FRMD3: variants seen among roughly 807,000 people sequenced by gnomAD.
FRMD3 encodes the protein FERM domain containing 3, also known as FERM domain-containing protein 3.
FRMD3 carries 33 observed loss-of-function variants against 70.2 expected under a neutral mutation model. The observed-to-expected ratio is 0.47, with a 90% CI of 0.36 to 0.63. FRMD3 has a LOEUF of 0.63. Among genes scored for constraint, FRMD3 ranks in the 20% least tolerant of loss-of-function variants. The pLI is 0.00. For synonymous variants in FRMD3, 279 were observed against 255.9 expected (o/e 1.09, Z -0.86); for missense variants, 632 against 711.4 (o/e 0.89, Z 1.27).
chr9:83,259,011 G>T (rs985453287), intron 13 of FRMD3, among the ~76,000 whole-genome samples: 1 of 152,156 alleles, frequency 6.6e-6, no homozygotes, highest in African/African-American at 2.4e-5. Context: ...TATAAAGAAA[G>T]CACCACCATT....
At chr9:83,508,399 T>G (rs1336506252) in intron 1 of FRMD3, among the ~76,000 whole-genome samples, 1 of 152,220 alleles carries the variant, frequency 6.6e-6, no homozygotes, top group South Asian at 2.1e-4. Context: ...TAACTTTGCA[T>G]ACTTTACTGT....
chr9:83,481,079 T>G (rs1369747605), intron 1 of FRMD3, among the ~76,000 whole-genome samples: 1 of 152,222 alleles, frequency 6.6e-6, no homozygotes, highest in South Asian at 2.1e-4. Context: ...AAAGGAATGA[T>G]GAACTCTGAA....
chr9:83,254,564 A>G (rs2118594229), intron 13 of FRMD3, among the ~76,000 whole-genome samples: 1 of 152,094 alleles, frequency 6.6e-6, no homozygotes, highest in South Asian at 2.1e-4. Context: ...AGAGGCATAA[A>G]AAAAAAAATT....
At chr9:83,396,821 C>T (rs755273674) in intron 1 of FRMD3, among the ~76,000 whole-genome samples, 1 of 152,194 alleles carries the variant, frequency 6.6e-6, no homozygotes, top group Admixed American at 6.5e-5. Context: ...TCAGCAAGTA[C>T]AGATTGGCTT....
At chr9:83,507,503 T>C (rs57828682) in intron 1 of FRMD3, among the ~76,000 whole-genome samples, 2,584 of 147,988 alleles carry the variant, frequency 0.017, 66 homozygotes, top group African/African-American at 0.06. Context: ...CCGTCTCTAC[T>C]AAAAAATAAA....
At chr9:83,299,436 A>G (rs921934382) in intron 10 of FRMD3, among the ~76,000 whole-genome samples, 2 of 152,222 alleles carry the variant, frequency 1.3e-5, no homozygotes, top group African/African-American at 4.8e-5. Flanking sequence ...TGACCCACAT[A>G]CTGGGTTTCA....
the FRMD3 span, among the ~76,000 whole-genome samples, chr9:83,585,659 G>A: frequency 9.9e-5 from 15 of 152,172 alleles, no homozygotes; most frequent in African/African-American, 2.4e-4. Context: ...AGACAGGAGC[G>A]TGAGTCTCCT....
At chr9:83,312,638 A>T (rs1835404856) in intron 7 of FRMD3, among the ~76,000 whole-genome samples, 1 of 152,260 alleles carries the variant, frequency 6.6e-6, no homozygotes, top group South Asian at 2.1e-4. Flanking sequence ...ACATTTGCGT[A>T]GGCAGAACAA....
intron 3 of FRMD3, among the ~76,000 whole-genome samples, chr9:83,368,174 A>C (rs980118389): frequency 1.3e-5 from 2 of 152,208 alleles, no homozygotes; most frequent in Non-Finnish European, 2.9e-5. Context: ...CCACAAAGGC[A>C]CAGCACAGGC....
rs202225613 is a variant in FRMD3 at position 83,266,876 on chromosome 9, C to CCT, written c.1196-18362_1196-18361dup. 1.4e-3 allele frequency: 1,223 copies of CCT among 888,352 alleles called. 13 individuals are homozygous for CCT. In the African/African-American group the frequency reaches 0.018, roughly 13 times the overall value. The allele number at this position is 888,352 out of a possible 1,614,324, so 55.0% of individuals were successfully genotyped here. On this transcript the variant is annotated intron_variant, in intron 13 of 13. Coordinates refer to ENST00000304195, the MANE Select transcript of FRMD3 (RefSeq NM_174938.6). ...CCACTCGTCTCTGCTTTTCTCCCTT[C>CCT]CTCTCTCTCTTTTCATCCTTATCAA...
intron 10 of FRMD3, 95 bp downstream of exon 10, chr9:83,309,439 CTG>C (rs1006866808): frequency 1.6e-5 from 11 of 681,634 alleles, no homozygotes; most frequent in Admixed American, 9.0e-5. Flanking sequence ...ACTTTTAAAA[CTG>C]TATTAAAAGA....
intron 13 of FRMD3, among the ~76,000 whole-genome samples, chr9:83,283,659 C>T (rs1228980890): frequency 1.3e-5 from 2 of 152,038 alleles, no homozygotes; most frequent in African/African-American, 4.8e-5. Flanking sequence ...GCCTTCTGTT[C>T]TGTGGAGGCA....
intron 1 of FRMD3, among the ~76,000 whole-genome samples, chr9:83,407,929 T>TCTCTCCCTCCC (rs1826171927): frequency 2.8e-5 from 3 of 107,140 alleles, no homozygotes; most frequent in Admixed American, 1.1e-4. Context: ...CTCCCCTTTC[T>TCTCTCCCTCCC]CTTTCTCTTT....
At chr9:83,426,192 T>C (rs773938849) in intron 1 of FRMD3, among the ~76,000 whole-genome samples, 1 of 152,176 alleles carries the variant, frequency 6.6e-6, no homozygotes, top group Non-Finnish European at 1.5e-5. Flanking sequence ...CATGGTATTA[T>C]AGAAAGTGGA....
intron 1 of FRMD3, among the ~76,000 whole-genome samples, chr9:83,495,177 G>A (rs1182464660): frequency 6.6e-6 from 1 of 152,122 alleles, no homozygotes. Context: ...AAGAGACAAA[G>A]AGGCTGGGAA....
intron 1 of FRMD3, among the ~76,000 whole-genome samples, chr9:83,428,015 T>C (rs1187051375): frequency 2.0e-5 from 3 of 152,112 alleles, no homozygotes; most frequent in African/African-American, 7.2e-5. Context: ...ATGATGTACA[T>C]AGTAAGTACT....
chr9:83,514,808 T>C (rs1338589270), intron 1 of FRMD3, among the ~76,000 whole-genome samples: 1 of 152,144 alleles, frequency 6.6e-6, no homozygotes, highest in Non-Finnish European at 1.5e-5. Context: ...CCACTGGTGA[T>C]ACCCAGGCAA....
At chr9:83,550,007 A>G in the FRMD3 span, among the ~76,000 whole-genome samples, 1 of 151,988 alleles carries the variant, frequency 6.6e-6, no homozygotes, top group Non-Finnish European at 1.5e-5. Context: ...TGGCATCTTC[A>G]TCATTAAATC....
chr9:83,255,792 A>T (rs73477701), intron 13 of FRMD3, among the ~76,000 whole-genome samples: 2,010 of 152,270 alleles, frequency 0.013, 53 homozygotes, highest in African/African-American at 0.046. Context: ...CAAAAAGAAT[A>T]AAATACCTTG....
Sources: gnomAD v4.1 joint callset for allele counts (sites outside exome capture counted in the v4.1 genomes callset) on GRCh38, gnomAD v4.1.1 for gene constraint, MANE v1.5 for transcripts, NCBI Gene and HGNC (gene_info 2026-07-23, HGNC 2026-07-21) for gene names.